Variants in CEP128 observed in about 807,000 individuals in gnomAD.
CEP128 encodes centrosomal protein 128.
In CEP128, 132 loss-of-function variants were observed where a neutral mutation model predicts 156.7. The observed-to-expected ratio is 0.84, with a 90% confidence interval of 0.73 to 0.97. The LOEUF (loss-of-function observed/expected upper bound fraction) is 0.97. Ranked by LOEUF, CEP128 falls within the 50% of genes least tolerant of loss-of-function variation. The pLI, the probability that CEP128 is intolerant of heterozygous loss-of-function variation, is 0.00. For synonymous variants in CEP128, 469 were observed against 448.9 expected, an observed-to-expected ratio of 1.04 and a Z score of -0.57; for missense variants, 1,252 against 1,281.9, an observed-to-expected ratio of 0.98 and a Z score of 0.36.
chr14:80,588,655 G>A (rs555800402), intron 19 of CEP128, among the ~76,000 whole-genome samples: 6 of 151,944 alleles, frequency 3.9e-5, no homozygotes, highest in African/African-American at 1.4e-4. Context: ...TTTAATTGTT[G>A]CCCCATCCCC....
intron 23 of CEP128, among the ~76,000 whole-genome samples, chr14:80,520,167 C>A (rs1888670460): frequency 6.6e-6 from 1 of 152,110 alleles, no homozygotes; most frequent in Non-Finnish European, 1.5e-5. Context: ...ACCTGTAATC[C>A]CAGCACTTTG....
intron 7 of CEP128, among the ~76,000 whole-genome samples, chr14:80,898,828 C>T (rs1889465102): frequency 6.6e-6 from 1 of 152,106 alleles, no homozygotes; most frequent in South Asian, 2.1e-4. Flanking sequence ...TCCAGGAATT[C>T]AAATGCTTTA....
At chr14:80,789,019 A>G (rs1039572481) in intron 14 of CEP128, among the ~76,000 whole-genome samples, 1 of 152,154 alleles carries the variant, frequency 6.6e-6, no homozygotes, top group African/African-American at 2.4e-5. Context: ...GGAGGTAACC[A>G]TGAATACTAT....
chr14:80,580,507 C>T, intron 19 of CEP128, 84 bp from the exon 20 acceptor site: 1 of 765,728 alleles, frequency 1.3e-6, no homozygotes, highest in Non-Finnish European at 2.3e-6. Context: ...CAGCCAGTAG[C>T]TTGTATAAAC....
At chr14:80,947,780 C>A (rs1013197896) in intron 2 of CEP128, among the ~76,000 whole-genome samples, 1 of 152,200 alleles carries the variant, frequency 6.6e-6, no homozygotes, top group Non-Finnish European at 1.5e-5. Flanking sequence ...GGGAGGCAGA[C>A]CTGTAGGCAT....
chr14:80,746,813 T>C (rs1179325562), intron 18 of CEP128, among the ~76,000 whole-genome samples: 1 of 152,198 alleles, frequency 6.6e-6, no homozygotes, highest in Non-Finnish European at 1.5e-5. Context: ...ACCTGCTAAG[T>C]GGCAGAAAAT....
chr14:80,794,928 A>G (rs759160426), intron 13 of CEP128, among the ~76,000 whole-genome samples: 25 of 152,336 alleles, frequency 1.6e-4, no homozygotes, highest in Admixed American at 3.3e-4. Context: ...ACTGAAATGC[A>G]TTGAGTACTC....
chr14:80,595,907 TC>T (rs1424984204), intron 19 of CEP128, among the ~76,000 whole-genome samples: 1 of 152,044 alleles, frequency 6.6e-6, no homozygotes, highest in African/African-American at 2.4e-5. Flanking sequence ...TGAGACTTAT[TC>T]ACTATCACCA....
intron 2 of CEP128, among the ~76,000 whole-genome samples, chr14:80,936,469 G>A (rs151294042): frequency 3.2e-4 from 49 of 152,270 alleles, no homozygotes; most frequent in African/African-American, 1.1e-3. Context: ...GAATTAAATG[G>A]ATTCATGTAA....
rs567626733 is a variant in CEP128 at position 80,549,272 on chromosome 14, C to T, written c.2880+10007G>A. ...GGAAACTTGGCAGAACGGGCTAGGA[C>T]AGGGTTTGTGCAAAACCTTTTTCCG... On this transcript the variant is annotated intron_variant, in intron 21 of 24. Coordinates refer to ENST00000555265, the MANE Select transcript of CEP128 (RefSeq NM_152446.5). Among the ~76,000 whole-genome samples, 5 of 152,276 alleles carry T rather than the reference C, an allele frequency of 3.3e-5. No individual in the cohort carries two copies. In the South Asian group the frequency reaches 8.3e-4, roughly 25 times the overall value.
intron 13 of CEP128, among the ~76,000 whole-genome samples, chr14:80,818,556 C>T (rs891307425): frequency 6.6e-6 from 1 of 152,234 alleles, no homozygotes; most frequent in African/African-American, 2.4e-5. Flanking sequence ...GAACCAAAGA[C>T]AGCCATCTAG....
At chr14:80,516,477 G>A (rs1019325528) in intron 23 of CEP128, among the ~76,000 whole-genome samples, 2 of 152,150 alleles carry the variant, frequency 1.3e-5, no homozygotes, top group African/African-American at 4.8e-5. Context: ...CCTGGCTGTT[G>A]TCTTACTAGG....
At chr14:80,521,655 T>C (rs941268080) in intron 23 of CEP128, among the ~76,000 whole-genome samples, 1 of 152,224 alleles carries the variant, frequency 6.6e-6, no homozygotes. Context: ...TTTAAATGTG[T>C]CATGTAAGCA....
At chr14:80,589,457 A>G (rs1341588334) in intron 19 of CEP128, among the ~76,000 whole-genome samples, 2 of 152,154 alleles carry the variant, frequency 1.3e-5, no homozygotes, top group Non-Finnish European at 2.9e-5. Context: ...GCCACATTCA[A>G]TGAAAGCCTT....
At chr14:80,855,977 G>A (rs1887135898) in intron 9 of CEP128, among the ~76,000 whole-genome samples, 1 of 151,918 alleles carries the variant, frequency 6.6e-6, no homozygotes, top group South Asian at 2.1e-4. Context: ...GCATCTCTGG[G>A]GCCATAATTA....
At chr14:80,904,961 T>A in intron 5 of CEP128, 30 bp from the exon 6 acceptor site, 2 of 1,208,042 alleles carry the variant, frequency 1.7e-6, no homozygotes, top group Non-Finnish European at 2.5e-6. Context: ...GGGAAGGTAT[T>A]AAAATACTGC....
chr14:80,612,057 C>A (rs1192713704), intron 19 of CEP128, among the ~76,000 whole-genome samples: 5 of 149,700 alleles, frequency 3.3e-5, no homozygotes, highest in East Asian at 3.9e-4. Context: ...GACTCTGTCT[C>A]AAAAAAATAA....
At chr14:80,876,116 A>G (rs1276295702) in intron 8 of CEP128, among the ~76,000 whole-genome samples, 1 of 152,126 alleles carries the variant, frequency 6.6e-6, no homozygotes, top group Non-Finnish European at 1.5e-5. Context: ...AAGTCCTAAA[A>G]GAAGAGACAA....
At chr14:80,724,700 A>T (rs1430830897) in intron 19 of CEP128, among the ~76,000 whole-genome samples, 4 of 151,940 alleles carry the variant, frequency 2.6e-5, no homozygotes, top group Admixed American at 2.6e-4. Context: ...ATTTCTATAC[A>T]CTGTCTAGCG....
Sources: gnomAD v4.1 joint callset for allele counts (sites outside exome capture counted in the v4.1 genomes callset) on GRCh38, gnomAD v4.1.1 for gene constraint, MANE v1.5 for transcripts, NCBI Gene and HGNC (gene_info 2026-07-23, HGNC 2026-07-21) for gene names.